The following SSX2IP variants were observed in gnomAD, a reference collection of about 807,000 sequenced individuals.
The protein encoded by SSX2IP is afadin- and alpha-actinin-binding protein.
Under a neutral mutation model 84.9 loss-of-function variants are expected in SSX2IP, and 55 were observed. The observed-to-expected ratio is 0.65, with a 90% confidence interval of 0.52 to 0.81. The LOEUF is 0.81. Ranked by LOEUF, SSX2IP falls within the 30% of genes least tolerant of loss-of-function variation. The probability of loss-of-function intolerance (pLI) is 0.00; values close to 1 mark genes in which losing one functional copy is unlikely to be tolerated. For missense variants in SSX2IP, 664 were observed against 705.2 expected (o/e 0.94, Z 0.66); for synonymous variants, 239 against 234.7 (o/e 1.02, Z -0.17).
In SSX2IP at chr1:84,646,765, A is replaced by G. The variant is rs924011602; in HGVS notation, c.*668T>C. The G allele has an allele frequency of 1.3e-5, 2 of 152,584 alleles. No homozygotes were observed. The highest frequency in any genetic ancestry group is 6.5e-5 in the Admixed American group (1 of 15,274). 9.5% of individuals were successfully genotyped at this position (152,584 alleles called of 1,614,324 possible). A position where few individuals can be genotyped will look rare whatever the true frequency, so the allele number is the denominator to read the frequency against. The stretch of plus-strand genomic sequence containing the variant: ...ACTCAGCTTCATGGAATACCTTTCA[A>G]TATTTATTGCCCAGATGTATTAAAG... On this transcript the variant is annotated 3_prime_UTR_variant, in exon 14 of 14. Transcript: ENST00000342203.
At chr1:84,660,749 G>T (rs1651828500) in intron 8 of SSX2IP, among the ~76,000 whole-genome samples, 1 of 151,666 alleles carries the variant, frequency 6.6e-6, no homozygotes, top group Non-Finnish European at 1.5e-5. Flanking sequence ...TGGGCAACAA[G>T]AGCAAAACTC....
intron 11 of SSX2IP, chr1:84,655,594 A>G: frequency 6.8e-7 from 1 of 1,461,246 alleles, no homozygotes; most frequent in Non-Finnish European, 9.1e-7. Flanking sequence ...CCAATCTGAA[A>G]GCAGTAATAA....
At chr1:84,648,338 T>A (rs890165199) in intron 13 of SSX2IP, among the ~76,000 whole-genome samples, 1 of 152,232 alleles carries the variant, frequency 6.6e-6, no homozygotes, top group Non-Finnish European at 1.5e-5. Context: ...TGAATTTCTT[T>A]AAGCTCCAAA....
intron 1 of SSX2IP, among the ~76,000 whole-genome samples, chr1:84,677,820 T>C (rs1435664445): frequency 1.3e-5 from 2 of 152,084 alleles, no homozygotes; most frequent in Non-Finnish European, 2.9e-5. Flanking sequence ...TAGAACTAGA[T>C]TTTACCTCAT....
rs768826217 is a variant in SSX2IP at position 84,664,569 on chromosome 1, C to G, written c.538-17G>C. 6.4e-7 allele frequency: 1 copy of G among 1,564,052 alleles called. No homozygotes were observed. The highest frequency in any genetic ancestry group is 1.2e-5 in the South Asian group (1 of 81,924). ...TTTTTGCACCTGAAAAAGGCATTTGCTATTATAAGCCCAGTAACGATTCAC... is the reference window on the plus strand; with the variant it reads ...TTTTTGCACCTGAAAAAGGCATTTGGTATTATAAGCCCAGTAACGATTCAC... On this transcript the variant is annotated splice_polypyrimidine_tract_variant and intron_variant, in intron 5 of 13. Coordinates refer to ENST00000342203, the MANE Select transcript of SSX2IP (RefSeq NM_001166293.2).
chr1:84,654,054 G>C (rs1382073492), intron 11 of SSX2IP, among the ~76,000 whole-genome samples: 3 of 152,022 alleles, frequency 2.0e-5, no homozygotes, highest in Non-Finnish European at 4.4e-5. Flanking sequence ...GAATATCCCA[G>C]AATTGAGAAC....
chr1:84,649,901 A>C (rs773087815), intron 13 of SSX2IP: 2 of 527,628 alleles, frequency 3.8e-6, no homozygotes, highest in Non-Finnish European at 7.5e-6. Flanking sequence ...ATCCTTGGGC[A>C]CAAATCTTTT....
rs762073848 is a variant in SSX2IP, at chr1:84,669,898, T to C, written c.214-5A>G. ...AAAACCAAAAGTAGTCAATTCCTGG[T>C]AGGAGAAAATGTTTTCTTAAAGTTG... On this transcript the variant is annotated splice_polypyrimidine_tract_variant and splice_region_variant and intron_variant, in intron 3 of 13. Transcript: ENST00000342203. 1 of 1,609,018 alleles carries C rather than the reference T, an allele frequency of 6.2e-7. No individual in the cohort carries two copies. The highest frequency in any genetic ancestry group is 8.5e-7 in the Non-Finnish European group (1 of 1,176,858).
At chr1:84,688,011 T>TA (rs1322186735) in intron 1 of SSX2IP, among the ~76,000 whole-genome samples, 65 of 152,344 alleles carry the variant, frequency 4.3e-4, no homozygotes, top group African/African-American at 1.5e-3. Flanking sequence ...ACTATGCTGA[T>TA]AATTTCTAAA....
chr1:84,685,639 T>G (rs2102619301), intron 1 of SSX2IP, among the ~76,000 whole-genome samples: 1 of 152,338 alleles, frequency 6.6e-6, no homozygotes, highest in South Asian at 2.1e-4. Flanking sequence ...TATTTATGAT[T>G]CCAAAGCCTC....
At chr1:84,655,277 A>T in intron 11 of SSX2IP, 2 of 1,027,772 alleles carry the variant, frequency 1.9e-6, no homozygotes, top group Non-Finnish European at 2.4e-6. Context: ...ATACTTTCTT[A>T]CTTTGTAGCT....
At chr1:84,659,839 T>C (rs1651675259) in intron 8 of SSX2IP, among the ~76,000 whole-genome samples, 1 of 151,506 alleles carries the variant, frequency 6.6e-6, no homozygotes, top group African/African-American at 2.4e-5. Context: ...TATTGCACAT[T>C]TCTCAGATTG....
chr1:84,669,995 C>T (rs1653329617), intron 3 of SSX2IP, 102 bp from the exon 4 acceptor site: 3 of 786,092 alleles, frequency 3.8e-6, no homozygotes, highest in Non-Finnish European at 6.1e-6. Context: ...TTTAATAGAT[C>T]TATTGTACAA....
chr1:84,688,833 C>T (rs1486114267), intron 1 of SSX2IP, among the ~76,000 whole-genome samples: 1 of 152,172 alleles, frequency 6.6e-6, no homozygotes, highest in African/African-American at 2.4e-5. Context: ...TTACGTAATC[C>T]ATGAGCTTTT....
intron 4 of SSX2IP, among the ~76,000 whole-genome samples, chr1:84,667,776 T>G (rs1652968460): frequency 6.6e-6 from 1 of 152,114 alleles, no homozygotes; most frequent in African/African-American, 2.4e-5. Flanking sequence ...GAATGACATT[T>G]CCAAACACTA....
chr1:84,680,315 C>T (rs925001799), intron 1 of SSX2IP: 2 of 152,182 alleles, frequency 1.3e-5, no homozygotes, highest in Admixed American at 6.5e-5. Context: ...CATCTGGTTC[C>T]AAACCCCGGC....
rs1308051488 is a variant in SSX2IP at position 84,679,416 on chromosome 1, G to T, written c.-89-8108C>A. 2.0e-5 allele frequency among the ~76,000 whole-genome samples: 3 copies of T among 152,064 alleles called. No homozygotes were observed. In the South Asian group the frequency reaches 6.2e-4, roughly 32 times the overall value. Reference sequence around the variant, plus strand: ...TGCCATTTTCCAGATATTTTCCACAGAAATAAACTCTTCCTCATAAATTTA... The same window carrying T: ...TGCCATTTTCCAGATATTTTCCACATAAATAAACTCTTCCTCATAAATTTA... On this transcript the variant is annotated intron_variant, in intron 1 of 13. Transcript: ENST00000342203.
chr1:84,681,988 G>A (rs1015382773), intron 1 of SSX2IP, among the ~76,000 whole-genome samples: 1 of 152,108 alleles, frequency 6.6e-6, no homozygotes, highest in Non-Finnish European at 1.5e-5. Context: ...ATCCAACCTT[G>A]GTAGGAGGAA....
intron 8 of SSX2IP, among the ~76,000 whole-genome samples, chr1:84,659,010 A>G (rs1441826928): frequency 1.3e-5 from 2 of 152,186 alleles, no homozygotes; most frequent in Non-Finnish European, 2.9e-5. Context: ...ATGAAATCAT[A>G]AAGAAGTAGC....
Sources: gnomAD v4.1 joint callset for allele counts (sites outside exome capture counted in the v4.1 genomes callset) on GRCh38, gnomAD v4.1.1 for gene constraint, MANE v1.5 for transcripts, NCBI Gene and HGNC (gene_info 2026-07-23, HGNC 2026-07-21) for gene names.